IL10RB: variants seen among roughly 807,000 people sequenced by gnomAD.
IL10RB encodes interleukin 10 receptor subunit beta.
Under a neutral mutation model 38.7 loss-of-function variants are expected in IL10RB, and 30 were observed. The ratio of observed to expected loss-of-function variants is 0.78; its 90% CI spans 0.58 to 1.05. The LOEUF is 1.05. IL10RB is among the 50% of genes least tolerant of loss of function. The pLI, the probability that IL10RB is intolerant of heterozygous loss-of-function variation, is 0.00. For synonymous variants in IL10RB, 142 were observed against 145.9 expected (o/e 0.97, Z 0.19); for missense variants, 328 against 397.1 (o/e 0.83, Z 1.48).
chr21:33,280,136 C>G (rs1392395103), intron 4 of IL10RB, among the ~76,000 whole-genome samples: 2 of 152,152 alleles, frequency 1.3e-5, no homozygotes, highest in African/African-American at 4.8e-5. Context: ...CAGACCTTTC[C>G]CTCCCTGAAG....
intron 1 of IL10RB, chr21:33,267,933 G>C (rs191240138): frequency 1.7e-3 from 427 of 258,474 alleles, no homozygotes; most frequent in Non-Finnish European, 2.5e-3. Flanking sequence ...TCCTACTTCA[G>C]CCTCTCTCCA....
intron 5 of IL10RB, among the ~76,000 whole-genome samples, chr21:33,287,486 A>T (rs1989396421): frequency 6.6e-6 from 1 of 152,138 alleles, no homozygotes; most frequent in African/African-American, 2.4e-5. Flanking sequence ...AGCCTTTCAA[A>T]TTGCTGGGAC....
intron 6 of IL10RB, among the ~76,000 whole-genome samples, chr21:33,292,881 G>A (rs8178551): frequency 0.053 from 8,074 of 152,216 alleles, 690 homozygotes; most frequent in African/African-American, 0.18. Context: ...CAGGCTGCAC[G>A]GCCCATACCT....
intron 4 of IL10RB, among the ~76,000 whole-genome samples, chr21:33,281,768 C>T (rs1348668260): frequency 1.3e-5 from 2 of 152,150 alleles, no homozygotes; most frequent in Non-Finnish European, 2.9e-5. Context: ...TCAATACAGG[C>T]TTATATGGTT....
At chr21:33,289,385 G>A (rs1337420928) in intron 6 of IL10RB, among the ~76,000 whole-genome samples, 3 of 152,142 alleles carry the variant, frequency 2.0e-5, no homozygotes, top group Non-Finnish European at 1.5e-5. Flanking sequence ...AGCCCCCACC[G>A]CTGCTGCTGG....
At chr21:33,269,014 A>C (rs996249391) in intron 2 of IL10RB, among the ~76,000 whole-genome samples, 3 of 152,146 alleles carry the variant, frequency 2.0e-5, no homozygotes, top group African/African-American at 7.2e-5. Flanking sequence ...GGATTATAAC[A>C]TCATGCCCCA....
At chr21:33,270,313 T>G (rs879775076) in intron 2 of IL10RB, among the ~76,000 whole-genome samples, 33 of 152,032 alleles carry the variant, frequency 2.2e-4, no homozygotes, top group Non-Finnish European at 4.1e-4. Context: ...TTAAATTTCT[T>G]CTCTGTCTGT....
chr21:33,268,267 C>A, intron 1 of IL10RB, 127 bp from the exon 2 acceptor site: 1 of 1,559,490 alleles, frequency 6.4e-7, no homozygotes. Flanking sequence ...CTGTCTCTCC[C>A]TCCCTCACCC....
At chr21:33,302,527 T>G (rs1461425227) in intron 1 of IL10RB, among the ~76,000 whole-genome samples, 1 of 152,208 alleles carries the variant, frequency 6.6e-6, no homozygotes, top group Non-Finnish European at 1.5e-5. Flanking sequence ...CACATGCAAA[T>G]TTTCCTTCCA....
chr21:33,274,393 C>T lies in IL10RB; in HGVS notation c.174-2203C>T, dbSNP rs139922968. 2.4e-3 allele frequency among the ~76,000 whole-genome samples: 364 copies of T among 152,032 alleles called. 3 individuals are homozygous for T. The highest frequency in any genetic ancestry group is 8.3e-3 in the African/African-American group (344 of 41,474). ...TTCACCATGTTGGCCAGGCTGGTCT[C>T]GAACTCCTGACCTCAAGTGATTTGC... is the stretch of plus-strand genomic sequence containing the variant. On this transcript the variant is annotated intron_variant, in intron 2 of 6. Coordinates refer to ENST00000290200, the MANE Select transcript of IL10RB (RefSeq NM_000628.5).
At chr21:33,301,754 C>A (rs927536844), downstream of IL10RB, among the ~76,000 whole-genome samples, 1 of 152,194 alleles carries the variant, frequency 6.6e-6, no homozygotes, top group African/African-American at 2.4e-5. Flanking sequence ...TAAGCAGATA[C>A]TATTATCTGC....
chr21:33,288,513 G>GCAT (rs1357748277), intron 6 of IL10RB, among the ~76,000 whole-genome samples: 1 of 152,070 alleles, frequency 6.6e-6, no homozygotes, highest in Non-Finnish European at 1.5e-5. Flanking sequence ...TGCACCTAGG[G>GCAT]CATCGCTCCT....
chr21:33,279,893 A>G lies in IL10RB; in HGVS notation c.473A>G (p.Tyr158Cys). Residue 158 changes from tyrosine (Y) to cysteine (C), a missense_variant, in exon 4 of 7, where the codon TAC becomes TGC. By Grantham distance (194) the Tyr-to-Cys change is radical. Transcript: ENST00000290200. ...VYNSWTYNVQ[Y>C]WKNGTDEKFQ... ...AACTCATGGACTTATAATGTGCAAT[A>G]CTGGAAAAACGGTACTGATGAAAAG... The G allele has an allele frequency of 1.2e-6, 2 of 1,613,916 alleles. No homozygotes were observed. The highest frequency in any genetic ancestry group is 1.7e-6 in the Non-Finnish European group (2 of 1,179,798).
chr21:33,290,835 G>A (rs1989472131), intron 6 of IL10RB, among the ~76,000 whole-genome samples: 2 of 152,198 alleles, frequency 1.3e-5, no homozygotes, highest in African/African-American at 4.8e-5. Flanking sequence ...CATGTGATAC[G>A]GCGTCTCTAC....
Position 33,266,471 on chromosome 21 carries a change from G to C in IL10RB, c.6G>C (p.Ala2=). The change falls in exon 1 of 7, where the codon GCG becomes GCC. Residue 2 remains alanine, a synonymous_variant. Transcript: ENST00000290200. M[A]WSLGSWLGGC... ...GGAACCCCCAGCGTCCGTCCATGGC[G>C]TGGAGCCTTGGGAGCTGGCTGGGTG... The C allele has an allele frequency of 6.5e-7, 1 of 1,542,302 alleles. No individual in the cohort carries two copies. Among genetic ancestry groups the C allele is most frequent in the South Asian group, 1.2e-5 (1 of 84,020 alleles).
intron 1 of IL10RB, among the ~76,000 whole-genome samples, chr21:33,305,438 A>G (rs1421389218): frequency 6.6e-6 from 1 of 152,102 alleles, no homozygotes; most frequent in Non-Finnish European, 1.5e-5. Flanking sequence ...TTGATCACCT[A>G]CACTGGTAAG....
chr21:33,291,177 A>G (rs540089415), intron 6 of IL10RB, among the ~76,000 whole-genome samples: 1 of 152,204 alleles, frequency 6.6e-6, no homozygotes, highest in East Asian at 1.9e-4. Flanking sequence ...CTGCTCCACT[A>G]TACCCTCATT....
chr21:33,300,390 G>A (rs1323366645), downstream of IL10RB, among the ~76,000 whole-genome samples: 15 of 150,564 alleles, frequency 1.0e-4, no homozygotes, highest in African/African-American at 3.4e-4. Context: ...GCAGTGAGCC[G>A]AGATCGTGCC....
At chr21:33,307,898 T>C (rs1210975846) in intron 1 of IL10RB, among the ~76,000 whole-genome samples, 1 of 152,258 alleles carries the variant, frequency 6.6e-6, no homozygotes, top group Non-Finnish European at 1.5e-5. Context: ...AGACATTGTA[T>C]ATTTCATTCA....
Sources: allele counts gnomAD v4.1 joint callset (sites outside exome capture counted in the v4.1 genomes callset), GRCh38; gene constraint gnomAD v4.1.1; transcripts MANE v1.5; gene names NCBI Gene and HGNC (gene_info 2026-07-23, HGNC 2026-07-21).